Variants in ITSN1 observed in about 807,000 individuals in gnomAD.
ITSN1 encodes the protein intersectin 1, also known as intersectin-1.
Under a neutral mutation model 239.8 loss-of-function variants are expected in ITSN1, and 58 were observed. The ratio of observed to expected loss-of-function variants is 0.24; its 90% CI spans 0.20 to 0.30. The LOEUF is 0.30. ITSN1 is among the 10% of genes least tolerant of loss of function. The probability of loss-of-function intolerance (pLI) is 1.00; values close to 1 mark genes in which losing one functional copy is unlikely to be tolerated. For synonymous variants in ITSN1, 780 were observed against 770.8 expected, an observed-to-expected ratio of 1.01 and a Z score of -0.20; for missense variants, 1,558 against 2,103.3, an observed-to-expected ratio of 0.74 and a Z score of 5.07.
intron 5 of ITSN1, among the ~76,000 whole-genome samples, chr21:33,740,123 A>G (rs1300506552): frequency 1.3e-5 from 2 of 152,246 alleles, no homozygotes; most frequent in Non-Finnish European, 2.9e-5. Flanking sequence ...GTATACTGAG[A>G]TGGGGATAAC....
At chr21:33,703,307 T>C (rs562161549) in intron 1 of ITSN1, among the ~76,000 whole-genome samples, 7 of 152,036 alleles carry the variant, frequency 4.6e-5, no homozygotes, top group Non-Finnish European at 1.0e-4. Context: ...AGTGCCAAAA[T>C]TAAGGATCAT....
chr21:33,885,403 C>A, intron 37 of ITSN1, 36 bp from the exon 38 acceptor site: 1 of 1,580,652 alleles, frequency 6.3e-7, no homozygotes, highest in South Asian at 1.1e-5. Context: ...GTGGCACGTT[C>A]AAATGAAGCA....
At position 33,898,557 on chromosome 21, in the gene ITSN1, G is replaced by C. The variant is rs997030004; in HGVS notation, c.*10257G>C. 2 of 152,194 alleles carry C rather than the reference G, an allele frequency of 1.3e-5. No homozygotes were observed. The highest frequency in any genetic ancestry group is 4.8e-5 in the African/African-American group (2 of 41,452). The allele number at this position is 152,194 out of a possible 1,614,324, so 9.4% of individuals were successfully genotyped here. On this transcript the variant is annotated 3_prime_UTR_variant, in exon 40 of 40. Coordinates refer to ENST00000381318, the MANE Select transcript of ITSN1 (RefSeq NM_003024.3). ...CTCAATGTCTAAACCCCTGAGAAAG[G>C]CATTCAGAAATGATTTCAGGAGGGG...
intron 11 of ITSN1, among the ~76,000 whole-genome samples, chr21:33,770,202 T>A (rs1239522461): frequency 6.6e-6 from 1 of 152,050 alleles, no homozygotes; most frequent in Admixed American, 6.6e-5. Context: ...TAGCTGGGAC[T>A]ACAGGCATGT....
intron 5 of ITSN1, among the ~76,000 whole-genome samples, chr21:33,746,326 C>T (rs1298097563): frequency 6.6e-6 from 1 of 152,158 alleles, no homozygotes; most frequent in Non-Finnish European, 1.5e-5. Flanking sequence ...AGTATTGTCT[C>T]ACCCTCAAGA....
At chr21:33,776,150 T>G (rs2069588489) in intron 14 of ITSN1, among the ~76,000 whole-genome samples, 1 of 152,214 alleles carries the variant, frequency 6.6e-6, no homozygotes, top group Non-Finnish European at 1.5e-5. Flanking sequence ...TGAATAAAAC[T>G]GCAGTGAGCA....
intron 1 of ITSN1, among the ~76,000 whole-genome samples, chr21:33,687,989 A>G (rs1022130482): frequency 3.3e-5 from 5 of 152,200 alleles, no homozygotes; most frequent in African/African-American, 1.2e-4. Context: ...AGATTTCTAG[A>G]ATATGATTAC....
intron 29 of ITSN1, chr21:33,838,043 A>G: frequency 1.0e-6 from 1 of 985,832 alleles, no homozygotes; most frequent in Non-Finnish European, 1.2e-6. Flanking sequence ...CAATGTTTAC[A>G]TTTTTTAACT....
chr21:33,831,303 G>A (rs2074279404), intron 27 of ITSN1, among the ~76,000 whole-genome samples: 2 of 152,222 alleles, frequency 1.3e-5, no homozygotes. Context: ...TCTGGCGTTT[G>A]TTGAACGTGG....
Position 33,856,863 on chromosome 21 carries a change from G to T in ITSN1, c.3783+6G>T. 6.2e-7 allele frequency: 1 copy of T among 1,614,012 alleles called. No homozygotes were observed. The highest frequency in any genetic ancestry group is 8.5e-7 in the Non-Finnish European group (1 of 1,179,940). ...ACCTGCAGCTGGTCACAGAGGTAAG[G>T]GAGCTGGTGGGGCAGGGGGCACGGC... On this transcript the variant is annotated splice_donor_region_variant and intron_variant, in intron 30 of 39. Coordinates refer to ENST00000381318, the MANE Select transcript of ITSN1 (RefSeq NM_003024.3).
intron 22 of ITSN1, 47 bp from the exon 23 acceptor site, chr21:33,818,220 A>G: frequency 1.3e-6 from 2 of 1,543,600 alleles, no homozygotes; most frequent in South Asian, 1.1e-5. Context: ...CCTAATTGAT[A>G]ACAAAGCGCA....
intron 38 of ITSN1, 107 bp downstream of exon 38, chr21:33,885,629 C>T (rs1985664988): frequency 3.7e-6 from 3 of 819,528 alleles, no homozygotes; most frequent in Non-Finnish European, 6.2e-6. Flanking sequence ...TCCATACTCC[C>T]TGATCTCCTT....
chr21:33,679,989 C>T (rs1457674911), intron 1 of ITSN1, among the ~76,000 whole-genome samples: 3 of 152,038 alleles, frequency 2.0e-5, no homozygotes, highest in Admixed American at 6.6e-5. Flanking sequence ...TGAGACACCG[C>T]GCCCAGCCCA....
intron 1 of ITSN1, among the ~76,000 whole-genome samples, chr21:33,657,512 C>A (rs989074675): frequency 6.6e-6 from 1 of 152,314 alleles, no homozygotes; most frequent in South Asian, 2.1e-4. Flanking sequence ...TGGTCTTCCA[C>A]GGCAGTCATT....
intron 31 of ITSN1, among the ~76,000 whole-genome samples, chr21:33,861,190 C>CA (rs1408502700): frequency 2.0e-5 from 3 of 152,228 alleles, no homozygotes; most frequent in South Asian, 2.1e-4. Context: ...ATAAACTGGA[C>CA]AAAAAACATT....
At chr21:33,671,250 A>G (rs1337634938) in intron 1 of ITSN1, among the ~76,000 whole-genome samples, 1 of 152,206 alleles carries the variant, frequency 6.6e-6, no homozygotes, top group East Asian at 1.9e-4. Flanking sequence ...AAGAACACTG[A>G]TAAGTGGAAT....
intron 1 of ITSN1, among the ~76,000 whole-genome samples, chr21:33,674,035 A>G (rs1467762210): frequency 6.6e-6 from 1 of 152,174 alleles, no homozygotes; most frequent in Non-Finnish European, 1.5e-5. Flanking sequence ...AATCTGGTTG[A>G]ATGTTTGATT....
intron 1 of ITSN1, among the ~76,000 whole-genome samples, chr21:33,684,217 G>A (rs1185726775): frequency 6.6e-6 from 1 of 152,160 alleles, no homozygotes; most frequent in African/African-American, 2.4e-5. Flanking sequence ...CCATGCATCT[G>A]CTTTAAGGAA....
chr21:33,698,152 ATC>A (rs780062424), intron 1 of ITSN1, among the ~76,000 whole-genome samples: 5 of 152,226 alleles, frequency 3.3e-5, no homozygotes, highest in East Asian at 3.8e-4. Context: ...TGAGGTTAAA[ATC>A]TGCCTATTGA....
Sources: gnomAD v4.1 joint callset for allele counts (sites outside exome capture counted in the v4.1 genomes callset) on GRCh38, gnomAD v4.1.1 for gene constraint, MANE v1.5 for transcripts, NCBI Gene and HGNC (gene_info 2026-07-23, HGNC 2026-07-21) for gene names.